Variants in LRFN5 observed in about 807,000 individuals in gnomAD.
The protein encoded by LRFN5 is leucine-rich repeat and fibronectin type-III domain-containing protein 5.
Under a neutral mutation model 45.6 loss-of-function variants are expected in LRFN5, and 24 were observed. That is an observed-to-expected ratio of 0.53 (90% CI 0.38 to 0.74). The LOEUF is 0.74. LRFN5 is among the 30% of genes least tolerant of loss of function. LRFN5 has a pLI of 0.00. For missense variants in LRFN5, 776 were observed against 861.5 expected, an observed-to-expected ratio of 0.90 and a Z score of 1.24; for synonymous variants, 340 against 313.8, an observed-to-expected ratio of 1.08 and a Z score of -0.88.
intron 2 of LRFN5, among the ~76,000 whole-genome samples, chr14:41,819,898 C>T (rs1444115311): frequency 6.6e-6 from 1 of 151,690 alleles, no homozygotes; most frequent in Non-Finnish European, 1.5e-5. Context: ...AGCCTTTTTT[C>T]ATATGTTCAC....
At chr14:41,633,668 A>T (rs1053549382) in intron 1 of LRFN5, among the ~76,000 whole-genome samples, 16 of 152,166 alleles carry the variant, frequency 1.1e-4, no homozygotes, top group African/African-American at 3.4e-4. Context: ...GTAAATTAAG[A>T]TATTCTTTTT....
chr14:41,642,696 G>C (rs1397571674), intron 1 of LRFN5, among the ~76,000 whole-genome samples: 1 of 152,148 alleles, frequency 6.6e-6, no homozygotes, highest in Non-Finnish European at 1.5e-5. Flanking sequence ...CTGCCAGCAT[G>C]GATTGACAGA....
chr14:41,665,041 A>G (rs1880831611), intron 1 of LRFN5, among the ~76,000 whole-genome samples: 1 of 152,054 alleles, frequency 6.6e-6, no homozygotes. Context: ...TTCAAAATAT[A>G]TATTTTGCTT....
At chr14:41,815,334 C>T (rs1364452898) in intron 2 of LRFN5, among the ~76,000 whole-genome samples, 2 of 152,080 alleles carry the variant, frequency 1.3e-5, no homozygotes, top group African/African-American at 4.8e-5. Context: ...CTGAAGTTTA[C>T]TCTTTGAAAT....
intron 2 of LRFN5, among the ~76,000 whole-genome samples, chr14:41,771,063 G>C (rs532652552): frequency 1.3e-5 from 2 of 152,042 alleles, no homozygotes; most frequent in South Asian, 4.2e-4. Context: ...GCTGTGGTTT[G>C]AGCTGTACTT....
chr14:41,797,040 T>C (rs1176240624), intron 2 of LRFN5, among the ~76,000 whole-genome samples: 1 of 151,822 alleles, frequency 6.6e-6, no homozygotes, highest in Non-Finnish European at 1.5e-5. Context: ...TTTTCCTACA[T>C]GGTTACTAAT....
intron 1 of LRFN5, among the ~76,000 whole-genome samples, chr14:41,739,353 C>G (rs1399207078): frequency 6.6e-6 from 1 of 151,990 alleles, no homozygotes; most frequent in Non-Finnish European, 1.5e-5. Flanking sequence ...CCACTGCACT[C>G]CAGCCTGAGT....
chr14:41,770,955 T>A (rs1886063669), intron 2 of LRFN5, among the ~76,000 whole-genome samples: 1 of 151,916 alleles, frequency 6.6e-6, no homozygotes, highest in African/African-American at 2.4e-5. Context: ...TTCCTATATA[T>A]CCTCTGAAAT....
intron 1 of LRFN5, among the ~76,000 whole-genome samples, chr14:41,679,411 C>G (rs574455557): frequency 1.3e-5 from 2 of 151,934 alleles, no homozygotes; most frequent in Non-Finnish European, 2.9e-5. Flanking sequence ...ACCTGTATAC[C>G]GGCTAAGCCA....
intron 1 of LRFN5, among the ~76,000 whole-genome samples, chr14:41,675,588 C>CA (rs1881594057): frequency 6.6e-6 from 1 of 151,760 alleles, no homozygotes; most frequent in Admixed American, 6.6e-5. Flanking sequence ...CAGAGGGAGA[C>CA]CGTGGAAAGA....
At chr14:41,795,013 C>A (rs200551886) in intron 2 of LRFN5, among the ~76,000 whole-genome samples, 1 of 65,154 alleles carries the variant, frequency 1.5e-5, no homozygotes, top group African/African-American at 4.3e-5. Context: ...ATTATGCATA[C>A]ACACATATGT....
intron 5 of LRFN5, 69 bp from the exon 6 acceptor site, chr14:41,904,089 A>T: frequency 8.0e-7 from 1 of 1,251,286 alleles, no homozygotes; most frequent in Non-Finnish European, 1.1e-6. Context: ...CAATGATCTT[A>T]TTAGCTATGT....
At chr14:41,671,090 A>G (rs1030162971) in intron 1 of LRFN5, among the ~76,000 whole-genome samples, 1 of 152,016 alleles carries the variant, frequency 6.6e-6, no homozygotes, top group African/African-American at 2.4e-5. Context: ...TGCAAAAGTC[A>G]TGCTTGTAAA....
chr14:41,777,123 G>T (rs1367808425), intron 2 of LRFN5, among the ~76,000 whole-genome samples: 2 of 151,696 alleles, frequency 1.3e-5, no homozygotes, highest in African/African-American at 4.8e-5. Flanking sequence ...TCAATAGATT[G>T]TGGAATAAAT....
chr14:41,739,844 C>T (rs1884613612), intron 1 of LRFN5, among the ~76,000 whole-genome samples: 1 of 151,510 alleles, frequency 6.6e-6, no homozygotes, highest in Non-Finnish European at 1.5e-5. Context: ...AGAAAGAAGA[C>T]TCAAATAAAA....
At chr14:41,842,244 A>G (rs1294242096) in intron 2 of LRFN5, among the ~76,000 whole-genome samples, 2 of 152,120 alleles carry the variant, frequency 1.3e-5, no homozygotes, top group African/African-American at 4.8e-5. Context: ...AAATTAACTA[A>G]TATTCTTTCA....
intron 1 of LRFN5, among the ~76,000 whole-genome samples, chr14:41,724,704 T>C (rs1235251824): frequency 2.6e-5 from 4 of 152,202 alleles, no homozygotes; most frequent in African/African-American, 9.6e-5. Flanking sequence ...ATATAGAATG[T>C]AATAACCTGG....
intron 1 of LRFN5, among the ~76,000 whole-genome samples, chr14:41,645,157 A>G (rs753855679): frequency 5.9e-5 from 9 of 152,216 alleles, no homozygotes; most frequent in Non-Finnish European, 1.0e-4. Context: ...GAGGGGATTA[A>G]AAGAGATGAT....
At chr14:41,717,260 C>T (rs1883531088) in intron 1 of LRFN5, among the ~76,000 whole-genome samples, 1 of 152,092 alleles carries the variant, frequency 6.6e-6, no homozygotes. Flanking sequence ...TTGTCTTAGG[C>T]AAAACATGTT....
Sources: allele counts gnomAD v4.1 joint callset (sites outside exome capture counted in the v4.1 genomes callset), GRCh38; gene constraint gnomAD v4.1.1; transcripts MANE v1.5; gene names NCBI Gene and HGNC (gene_info 2026-07-23, HGNC 2026-07-21).